SLC29A1: variants seen among roughly 807,000 people sequenced by gnomAD.
The protein encoded by SLC29A1 is equilibrative nucleoside transporter 1.
A neutral mutation model predicts 48.3 loss-of-function variants in SLC29A1; 22 were observed. That is an observed-to-expected ratio of 0.46 (90% CI 0.33 to 0.65). The LOEUF is 0.65. Ranked by LOEUF, SLC29A1 falls within the 30% of genes least tolerant of loss-of-function variation. The pLI is 0.03. For missense variants in SLC29A1, 491 were observed against 575.3 expected (o/e 0.85, Z 1.50); for synonymous variants, 228 against 231.0 (o/e 0.99, Z 0.12).
Position 44,223,786 on chromosome 6 carries a change from G to T in SLC29A1, c.-52+145G>T, listed in dbSNP as rs1000892546. ...GCCGGGTGGGGCCCCAGTGCGGAGC[G>T]TGCGGAGCCGCGCAGCACGTGGCGC... On this transcript the variant is annotated intron_variant, in intron 1 of 12. Transcript: ENST00000371755. The surrounding 1 kb of genome is among the most constrained non-coding windows in gnomAD (Gnocchi z 5.0). The T allele has an allele frequency of 2.9e-6, 3 of 1,030,172 alleles. No homozygotes were observed. The highest frequency in any genetic ancestry group is 3.5e-6 in the Non-Finnish European group (3 of 855,530). 63.8% of individuals were successfully genotyped at this position (1,030,172 alleles called of 1,614,324 possible). A position where few individuals can be genotyped will look rare whatever the true frequency, so the allele number is the denominator to read the frequency against.
rs1777665522 is a variant in SLC29A1, at chr6:44,226,901, T to G, written c.-51-362T>G. On this transcript the variant is annotated intron_variant, in intron 1 of 12. Coordinates refer to ENST00000371755, the MANE Select transcript of SLC29A1 (RefSeq NM_001372327.1). Reference sequence around the variant, plus strand: ...GACCCCTCTCGTCCTCTTGCCTGCCTTCTTTGACTGTCTTTCCCTCCCTCC... The same window carrying G: ...GACCCCTCTCGTCCTCTTGCCTGCCGTCTTTGACTGTCTTTCCCTCCCTCC... 5 of 1,062,056 alleles carry G rather than the reference T, an allele frequency of 4.7e-6. No homozygotes were observed. In the Admixed American group the frequency reaches 2.4e-4, roughly 52 times the overall value. 65.8% of individuals were successfully genotyped at this position (1,062,056 alleles called of 1,614,324 possible). A position where few individuals can be genotyped will look rare whatever the true frequency, so the allele number is the denominator to read the frequency against.
intron 12 of SLC29A1, 99 bp from the exon 13 acceptor site, chr6:44,233,318 G>A (rs915541777): frequency 9.0e-5 from 91 of 1,012,960 alleles, no homozygotes; most frequent in Admixed American, 5.3e-4. Context: ...AATGAGGTTC[G>A]ACAGTCAAGT....
chr6:44,223,491 C>CG, upstream of SLC29A1: 1 of 654,678 alleles, frequency 1.5e-6, no homozygotes, highest in Non-Finnish European at 1.7e-6. The surrounding 1 kb of genome is among the most constrained non-coding windows in gnomAD (Gnocchi z 5.0). Context: ...AGGGGTGGGC[C>CG]GGGGGCGGGG....
intron 2 of SLC29A1, among the ~76,000 whole-genome samples, chr6:44,228,441 C>A (rs750539247): frequency 6.6e-6 from 1 of 152,210 alleles, no homozygotes; most frequent in Admixed American, 6.5e-5. Flanking sequence ...TGCATTAACT[C>A]GGACCTGCTC....
chr6:44,223,057 G>A (rs1776645456), upstream of SLC29A1, among the ~76,000 whole-genome samples: 1 of 152,170 alleles, frequency 6.6e-6, no homozygotes, highest in Non-Finnish European at 1.5e-5. The surrounding 1 kb of genome is among the most constrained non-coding windows in gnomAD (Gnocchi z 5.0). Flanking sequence ...CAGAAAATGC[G>A]CGGTGGGGAC....
At chr6:44,226,028 G>A (rs2153277824) in intron 1 of SLC29A1, 4 of 824,904 alleles carry the variant, frequency 4.8e-6, no homozygotes, top group Non-Finnish European at 5.9e-6. Context: ...ATAACACCCT[G>A]TGCCACCTTT....
Position 44,232,848 on chromosome 6 carries a change from C to A in SLC29A1, c.1101C>A (p.Ala367=), listed in dbSNP as rs1779207075. The part of the protein sequence containing the change: ...DSRWLPSLVL[A]RLVFVPLLLL... The stretch of plus-strand genomic sequence containing the variant: ...GCTGGCTGCCAAGCCTGGTGCTGGC[C>A]CGGCTGGTGTTTGTGCCACTGCTGC... Residue 367 remains alanine (A), a synonymous_variant, in exon 12 of 13, where the codon GCC becomes GCA. Transcript: ENST00000371755. The surrounding 1 kb of genome is among the most constrained non-coding windows in gnomAD (Gnocchi z 4.7). 6.2e-7 allele frequency: 1 copy of A among 1,613,420 alleles called. No individual in the cohort carries two copies. Among genetic ancestry groups the A allele is most frequent in the Admixed American group, 1.7e-5 (1 of 60,004 alleles).
upstream of SLC29A1, chr6:44,221,634 G>A: frequency 1.6e-5 from 20 of 1,289,850 alleles, no homozygotes; most frequent in Non-Finnish European, 2.0e-5. The surrounding 1 kb of genome is among the most constrained non-coding windows in gnomAD (Gnocchi z 4.2). Context: ...ACCAGGCAGA[G>A]ACTGAAGAGA....
upstream of SLC29A1, chr6:44,221,663 G>GA (rs1191416037): frequency 2.3e-6 from 3 of 1,289,370 alleles, no homozygotes; most frequent in African/African-American, 4.6e-5. This position sits in a 1 kb window ranked among gnomAD's most constrained non-coding sequence, Gnocchi z 4.2. Context: ...GGCCTGGCTA[G>GA]AAAAACTCCA....
chr6:44,233,354 C>A, intron 12 of SLC29A1, 63 bp from the exon 13 acceptor site: 1 of 1,379,372 alleles, frequency 7.2e-7, no homozygotes, highest in Non-Finnish European at 1.0e-6. Flanking sequence ...CTCCTTCCAC[C>A]CAGAGGCTCT....
Position 44,233,563 on chromosome 6 carries a change from C to A in SLC29A1, c.*35C>A, listed in dbSNP as rs1366388988. 2.0e-6 allele frequency: 3 copies of A among 1,521,434 alleles called. No individual in the cohort carries two copies. The African/African-American group carries it at 4.1e-5, about 21-fold the overall frequency. The allele number at this position is 1,521,434 out of a possible 1,614,324, so 94.2% of individuals were successfully genotyped here. On this transcript the variant is annotated 3_prime_UTR_variant, in exon 13 of 13. Coordinates refer to ENST00000371755, the MANE Select transcript of SLC29A1 (RefSeq NM_001372327.1). ...GACAGAAGGACTGCCTGCCTCCCTC[C>A]CTGTCTGCCTCCTGCCCCTTCCTTC...
chr6:44,232,967 A>G lies in SLC29A1; in HGVS notation c.1220A>G (p.Asn407Ser). The part of the protein sequence containing the change: ...IFFMAAFAFS[N>S]GYLASLCMCF... The stretch of plus-strand genomic sequence containing the variant: ...TTCATGGCTGCCTTTGCCTTCTCCA[A>G]CGGCTACCTCGCCAGCCTCTGCATG... Residue 407 changes from asparagine (N) to serine (S), a missense_variant, in exon 12 of 13, where the codon AAC becomes AGC. Physicochemically the swap from Asn to Ser is conservative, Grantham distance 46 (BLOSUM62 1). Transcript: ENST00000371755. This position sits in a 1 kb window ranked among gnomAD's most constrained non-coding sequence, Gnocchi z 4.7. 1 of 1,613,760 alleles carries G rather than the reference A, an allele frequency of 6.2e-7. No individual in the cohort carries two copies. Among genetic ancestry groups the G allele is most frequent in the Non-Finnish European group, 8.5e-7 (1 of 1,180,026 alleles).
intron 1 of SLC29A1, chr6:44,226,266 A>G (rs1349589655): frequency 8.0e-6 from 2 of 249,976 alleles, no homozygotes; most frequent in Non-Finnish European, 1.3e-5. Context: ...GTGTCAGTGC[A>G]CATCTGCCTG....
Position 44,233,530 on chromosome 6 carries a change from A to G in SLC29A1, c.*2A>G. The G allele has an allele frequency of 3.1e-6, 5 of 1,610,208 alleles. No homozygotes were observed. The highest frequency in any genetic ancestry group is 4.2e-6 in the Non-Finnish European group (5 of 1,176,478). On this transcript the variant is annotated 3_prime_UTR_variant, in exon 13 of 13. Transcript: ENST00000371755. Reference sequence around the variant, plus strand: ...TTCCTGTTCCGGGCAATTGTGTGACAAAGGATGGACAGAAGGACTGCCTGC... The same window carrying G: ...TTCCTGTTCCGGGCAATTGTGTGACGAAGGATGGACAGAAGGACTGCCTGC...
At position 44,229,355 on chromosome 6, in the gene SLC29A1, G is replaced by C; in HGVS notation, c.30-35G>C. On this transcript the variant is annotated intron_variant, in intron 2 of 12. Transcript: ENST00000371755. This position sits in a 1 kb window ranked among gnomAD's most constrained non-coding sequence, Gnocchi z 5.1. Reference sequence around the variant, plus strand: ...TCATTGTGGAGTGGGGCAGGATGGTGCGTCATTTGGCCCATCTTTCCTCCT... The same window carrying C: ...TCATTGTGGAGTGGGGCAGGATGGTCCGTCATTTGGCCCATCTTTCCTCCT... 6.6e-7 allele frequency: 1 copy of C among 1,521,776 alleles called. No individual in the cohort carries two copies. The highest frequency in any genetic ancestry group is 9.1e-7 in the Non-Finnish European group (1 of 1,095,628). The allele number at this position is 1,521,776 out of a possible 1,614,324, so 94.3% of individuals were successfully genotyped here.
chr6:44,224,162 G>T (rs1776970387), intron 1 of SLC29A1, among the ~76,000 whole-genome samples: 3 of 152,148 alleles, frequency 2.0e-5, no homozygotes, highest in Admixed American at 1.3e-4. Flanking sequence ...TACTGTGAGG[G>T]TATATGAGAG....
chr6:44,226,711 C>G lies in SLC29A1; in HGVS notation c.-51-552C>G, dbSNP rs919684728. 4 of 990,638 alleles carry G rather than the reference C, an allele frequency of 4.0e-6. No individual in the cohort carries two copies. The African/African-American group carries it at 7.0e-5, about 17-fold the overall frequency. 61.4% of individuals were successfully genotyped at this position (990,638 alleles called of 1,614,324 possible). On this transcript the variant is annotated intron_variant, in intron 1 of 12. Coordinates refer to ENST00000371755, the MANE Select transcript of SLC29A1 (RefSeq NM_001372327.1). ...CCCCAGGGAGGGTGGAGAGACCAGA[C>G]TTGCAGAGAGGGGCCTGGGGAGCCT... is the stretch of plus-strand genomic sequence containing the variant.
chr6:44,227,144 G>T lies in SLC29A1; in HGVS notation c.-51-119G>T, dbSNP rs1040361835. On this transcript the variant is annotated intron_variant, in intron 1 of 12. Transcript: ENST00000371755. The stretch of plus-strand genomic sequence containing the variant: ...TCCTGAGGGGCAGGGTGCAGAGGGG[G>T]TCTTACTGGACTCCTCCACTGGCCT... The T allele has an allele frequency of 5.5e-5, 77 of 1,387,644 alleles. No homozygotes were observed. In the Admixed American group the frequency reaches 1.6e-3, roughly 29 times the overall value. The allele number at this position is 1,387,644 out of a possible 1,614,324, so 86.0% of individuals were successfully genotyped here. A position where few individuals can be genotyped will look rare whatever the true frequency, so the allele number is the denominator to read the frequency against.
chr6:44,224,206 A>G (rs1421270464), intron 1 of SLC29A1, among the ~76,000 whole-genome samples: 3 of 151,940 alleles, frequency 2.0e-5, no homozygotes, highest in African/African-American at 4.8e-5. Context: ...TTTGCTTACC[A>G]GGAGAGAGCA....
Sources: gnomAD v4.1 joint callset for allele counts (sites outside exome capture counted in the v4.1 genomes callset) on GRCh38, gnomAD v4.1.1 for gene constraint, Gnocchi (gnomAD v3.1) non-coding constraint, MANE v1.5 for transcripts, NCBI Gene and HGNC (gene_info 2026-07-23, HGNC 2026-07-21) for gene names.